RELN: variants seen among roughly 807,000 people sequenced by gnomAD.
The protein encoded by RELN is reelin.
A neutral mutation model predicts 427.6 loss-of-function variants in RELN; 108 were observed. That is an observed-to-expected ratio of 0.25 (90% CI 0.22 to 0.30). RELN has a LOEUF of 0.30. RELN is among the 10% of genes least tolerant of loss of function. The pLI is 1.00. For synonymous variants in RELN, 1,524 were observed against 1,513.4 expected (o/e 1.01, Z -0.16); for missense variants, 3,715 against 4,302.8 (o/e 0.86, Z 3.82).
intron 6 of RELN, among the ~76,000 whole-genome samples, chr7:103,743,265 C>T (rs967533097): frequency 6.6e-6 from 1 of 152,078 alleles, no homozygotes; most frequent in Non-Finnish European, 1.5e-5. Context: ...GAAGGAGGTA[C>T]TAAACATGGA....
At chr7:103,653,070 T>C (rs936655125) in intron 13 of RELN, among the ~76,000 whole-genome samples, 3 of 152,090 alleles carry the variant, frequency 2.0e-5, no homozygotes, top group Non-Finnish European at 2.9e-5. Context: ...ATCCATTTTA[T>C]TTAATTAGCA....
intron 55 of RELN, among the ~76,000 whole-genome samples, chr7:103,497,403 CA>C (rs1218445775): frequency 5.9e-5 from 9 of 151,956 alleles, no homozygotes; most frequent in Non-Finnish European, 1.2e-4. Flanking sequence ...CTCACAAAAT[CA>C]GACTTTTTTT....
At chr7:103,880,554 G>T (rs558374802) in intron 2 of RELN, among the ~76,000 whole-genome samples, 4 of 152,168 alleles carry the variant, frequency 2.6e-5, no homozygotes, top group Non-Finnish European at 5.9e-5. Flanking sequence ...AAGAGCACGA[G>T]CTCTGACAAG....
intron 3 of RELN, among the ~76,000 whole-genome samples, chr7:103,826,851 C>T (rs994255901): frequency 6.6e-6 from 1 of 152,124 alleles, no homozygotes; most frequent in South Asian, 2.1e-4. Flanking sequence ...GTGCCAAGTA[C>T]AATAGTAATC....
At position 103,547,306 on chromosome 7, in the gene RELN, C is replaced by T. The variant is rs149721971; in HGVS notation, c.6303-1962G>A. ...TTCAAGTTCCTACATATATTTAACCCTAATTTCATTGTTCCATCTTGCTCT... is the reference window on the plus strand; with the variant it reads ...TTCAAGTTCCTACATATATTTAACCTTAATTTCATTGTTCCATCTTGCTCT... On this transcript the variant is annotated intron_variant, in intron 41 of 64. Coordinates refer to ENST00000428762, the MANE Select transcript of RELN (RefSeq NM_005045.4). 4.6e-5 allele frequency among the ~76,000 whole-genome samples: 7 copies of T among 152,244 alleles called. No homozygotes were observed. In the East Asian group the frequency reaches 1.2e-3, roughly 25 times the overall value.
chr7:103,503,651 T>C (rs1213321454), intron 51 of RELN, among the ~76,000 whole-genome samples: 1 of 152,188 alleles, frequency 6.6e-6, no homozygotes, highest in African/African-American at 2.4e-5. Flanking sequence ...TACAACACTT[T>C]CAACGACAAG....
chr7:103,839,531 C>T (rs1300818508), intron 2 of RELN, among the ~76,000 whole-genome samples: 1 of 151,996 alleles, frequency 6.6e-6, no homozygotes, highest in East Asian at 1.9e-4. Flanking sequence ...AGAACATAGT[C>T]CTTGCCCTGA....
At chr7:103,635,706 G>A (rs1210366022) in intron 18 of RELN, 120 bp from the exon 19 acceptor site, 12 of 789,444 alleles carry the variant, frequency 1.5e-5, no homozygotes, top group Non-Finnish European at 2.5e-5. Flanking sequence ...AAAATGTTAA[G>A]TAATTTCATT....
rs188248783 is a variant in RELN at position 103,702,282 on chromosome 7, G to A, written c.806-1276C>T. Among the ~76,000 whole-genome samples, 5 of 152,312 alleles carry A rather than the reference G, an allele frequency of 3.3e-5. No homozygotes were observed. The East Asian group carries it at 9.6e-4, about 29-fold the overall frequency. On this transcript the variant is annotated intron_variant, in intron 8 of 64. Coordinates refer to ENST00000428762, the MANE Select transcript of RELN (RefSeq NM_005045.4). ...GACAAACTTCAATACAAACAAGAAT[G>A]AGGTCTAGCAAAGAATCTGTGATTT...
At chr7:103,690,240 A>C (rs918094546) in intron 10 of RELN, among the ~76,000 whole-genome samples, 7 of 152,082 alleles carry the variant, frequency 4.6e-5, no homozygotes, top group African/African-American at 1.7e-4. Context: ...GCCCAAGGTG[A>C]TACGTTGAAT....
rs1829650850 is a variant in RELN at position 103,519,476 on chromosome 7, G to C, written c.7709C>G (p.Thr2570Ser). 3 of 1,613,464 alleles carry C rather than the reference G, an allele frequency of 1.9e-6. No homozygotes were observed. The highest frequency in any genetic ancestry group is 2.5e-6 in the Non-Finnish European group (3 of 1,179,508). ...RLLVTVDLNL[T>S]NAEFIQFYFM... ...GTAAAATTGGATGAACTCAGCATTAGTGAGGTTTAGATCCACAGTGACTAA... is the reference window on the plus strand; with the variant it reads ...GTAAAATTGGATGAACTCAGCATTACTGAGGTTTAGATCCACAGTGACTAA... The change falls in exon 49 of 65, where the codon ACT becomes AGT. Residue 2570 changes from threonine (T) to serine (S), a missense_variant. This residue lies in a region of RELN where 1,310 missense variants were observed against 1,643.0 expected (regional missense o/e 0.80). Coordinates refer to ENST00000428762, the MANE Select transcript of RELN (RefSeq NM_005045.4).
At chr7:103,654,369 T>C (rs1421791696) in intron 12 of RELN, among the ~76,000 whole-genome samples, 164 bp from the exon 13 acceptor site, 1 of 152,114 alleles carries the variant, frequency 6.6e-6, no homozygotes, top group African/African-American at 2.4e-5. Flanking sequence ...TTTATAACGA[T>C]AGTTCAAGTA....
At chr7:103,615,031 T>A (rs527736898) in intron 20 of RELN, among the ~76,000 whole-genome samples, 20 of 152,292 alleles carry the variant, frequency 1.3e-4, no homozygotes, top group African/African-American at 4.8e-4. Flanking sequence ...AACATGAAGC[T>A]GAACTTCTTT....
chr7:103,983,747 C>T (rs1006512744), intron 1 of RELN, among the ~76,000 whole-genome samples: 1 of 152,172 alleles, frequency 6.6e-6, no homozygotes, highest in African/African-American at 2.4e-5. Context: ...AACCACCTCT[C>T]TCTGTCCACA....
chr7:103,738,326 T>C (rs1005990485), intron 6 of RELN, among the ~76,000 whole-genome samples: 2 of 151,992 alleles, frequency 1.3e-5, no homozygotes, highest in African/African-American at 2.4e-5. Context: ...CATGTTTTAG[T>C]TCCTTTGCAG....
At chr7:103,773,354 TCCCTCTCTCTCTCTCC>T (rs1386734261) in intron 4 of RELN, among the ~76,000 whole-genome samples, 1 of 31,298 alleles carries the variant, frequency 3.2e-5, no homozygotes, top group Non-Finnish European at 5.2e-5. Context: ...TCTCTCTCTC[TCCCTCTCTCTCTCTCC>T]CTCCCTCCCT....
Position 103,640,455 on chromosome 7 carries a change from TA to T in RELN, c.2069+87del. 8 of 1,340,350 alleles carry T rather than the reference TA, an allele frequency of 6.0e-6. No individual in the cohort carries two copies. Among genetic ancestry groups the T allele is most frequent in the Non-Finnish European group, 7.5e-6 (7 of 935,118 alleles). The allele number at this position is 1,340,350 out of a possible 1,614,324, so 83.0% of individuals were successfully genotyped here. On this transcript the variant is annotated intron_variant, in intron 17 of 64. Transcript: ENST00000428762. This position sits in a 1 kb window ranked among gnomAD's most constrained non-coding sequence, Gnocchi z 4.1. ...TTTGTCTTAAAAAGATCCCCGATCC[TA>T]AAAAAGGTTATTAAATGACTTGCGA...
intron 1 of RELN, among the ~76,000 whole-genome samples, chr7:103,984,020 A>G (rs1454500844): frequency 6.6e-6 from 1 of 152,222 alleles, no homozygotes; most frequent in African/African-American, 2.4e-5. Flanking sequence ...AAGATTAAAG[A>G]TATAACATAA....
At chr7:103,987,763 C>T (rs1246139533) in intron 1 of RELN, among the ~76,000 whole-genome samples, 1 of 152,100 alleles carries the variant, frequency 6.6e-6, no homozygotes, top group East Asian at 1.9e-4. Context: ...GTAGTAAGCA[C>T]TTTTATCTAA....
Sources: allele counts gnomAD v4.1 joint callset (sites outside exome capture counted in the v4.1 genomes callset), GRCh38; gene constraint gnomAD v4.1.1; regional missense constraint gnomAD v4.1.1; non-coding constraint Gnocchi (gnomAD v3.1); transcripts MANE v1.5; gene names NCBI Gene and HGNC (gene_info 2026-07-23, HGNC 2026-07-21).